The following CHCHD6 variants were observed in gnomAD, a reference collection of about 807,000 sequenced individuals.
CHCHD6 encodes the protein MICOS complex subunit MIC25.
Under a neutral mutation model 32.3 loss-of-function variants are expected in CHCHD6, and 28 were observed. The ratio of observed to expected loss-of-function variants is 0.87; its 90% CI spans 0.64 to 1.19. CHCHD6 has a LOEUF of 1.19. Among genes scored for constraint, CHCHD6 ranks in the 50% most tolerant of loss-of-function variants. CHCHD6 has a pLI of 0.00. For synonymous variants in CHCHD6, 122 were observed against 117.5 expected (o/e 1.04, Z -0.25); for missense variants, 333 against 307.0 (o/e 1.08, Z -0.63).
intron 5 of CHCHD6, among the ~76,000 whole-genome samples, chr3:126,913,071 C>T (rs1183754421): frequency 6.6e-6 from 1 of 152,192 alleles, no homozygotes; most frequent in Non-Finnish European, 1.5e-5. Flanking sequence ...CAAGGCAACG[C>T]AGCTCTAAAG....
At chr3:126,746,397 GT>G (rs955528562) in intron 4 of CHCHD6, among the ~76,000 whole-genome samples, 10 of 152,170 alleles carry the variant, frequency 6.6e-5, no homozygotes, top group Non-Finnish European at 1.2e-4. Context: ...AGCCTCTGGT[GT>G]TTTTTCTGCT....
intron 5 of CHCHD6, among the ~76,000 whole-genome samples, chr3:126,913,252 G>A (rs980057779): frequency 1.5e-4 from 11 of 74,042 alleles, no homozygotes; most frequent in East Asian, 8.8e-4. Flanking sequence ...TTTGGGAGAC[G>A]GAGTTTCACT....
At chr3:126,953,354 C>T (rs751067025) in intron 6 of CHCHD6, among the ~76,000 whole-genome samples, 2 of 152,184 alleles carry the variant, frequency 1.3e-5, no homozygotes, top group African/African-American at 2.4e-5. Flanking sequence ...AACTAGGTCT[C>T]GAATGATATC....
intron 5 of CHCHD6, chr3:126,865,732 G>T (rs1309551697): frequency 6.1e-6 from 6 of 985,030 alleles, no homozygotes; most frequent in Non-Finnish European, 7.2e-6. Context: ...TCTGCATACT[G>T]CTTCTGGTAT....
chr3:126,807,252 C>T (rs894923869), intron 4 of CHCHD6, among the ~76,000 whole-genome samples: 1 of 150,812 alleles, frequency 6.6e-6, no homozygotes, highest in Non-Finnish European at 1.5e-5. Flanking sequence ...CAAACAAACA[C>T]ACAGAGAAAA....
chr3:126,739,162 A>G (rs755729856), intron 4 of CHCHD6, among the ~76,000 whole-genome samples: 1 of 152,234 alleles, frequency 6.6e-6, no homozygotes, highest in Non-Finnish European at 1.5e-5. Context: ...CATAAATGGG[A>G]GAAAAAAATC....
At chr3:126,726,583 A>G (rs896731821) in intron 1 of CHCHD6, among the ~76,000 whole-genome samples, 12 of 152,228 alleles carry the variant, frequency 7.9e-5, no homozygotes, top group African/African-American at 2.7e-4. Context: ...GCAAAGTGGA[A>G]TAAAGAGAAA....
intron 5 of CHCHD6, among the ~76,000 whole-genome samples, chr3:126,902,520 T>G (rs2077943415): frequency 6.6e-6 from 1 of 151,792 alleles, no homozygotes; most frequent in Non-Finnish European, 1.5e-5. Flanking sequence ...ATCGAGACCA[T>G]CCTGGCTAAC....
intron 4 of CHCHD6, among the ~76,000 whole-genome samples, chr3:126,810,931 A>G (rs1273410322): frequency 6.6e-6 from 1 of 152,196 alleles, no homozygotes; most frequent in Non-Finnish European, 1.5e-5. Flanking sequence ...GCCTGCAGGC[A>G]CATGAGATGT....
chr3:126,858,573 A>T (rs968408114), intron 5 of CHCHD6, among the ~76,000 whole-genome samples: 1 of 152,122 alleles, frequency 6.6e-6, no homozygotes, highest in Non-Finnish European at 1.5e-5. Flanking sequence ...ACAGGCCTTA[A>T]ACATCCTCTT....
intron 4 of CHCHD6, among the ~76,000 whole-genome samples, chr3:126,755,710 A>G (rs996046721): frequency 6.6e-6 from 1 of 152,178 alleles, no homozygotes; most frequent in African/African-American, 2.4e-5. Flanking sequence ...CATAAACTCA[A>G]TATATCAAAA....
At chr3:126,740,224 C>G (rs572700707) in intron 4 of CHCHD6, among the ~76,000 whole-genome samples, 1 of 152,222 alleles carries the variant, frequency 6.6e-6, no homozygotes, top group East Asian at 1.9e-4. Flanking sequence ...GATTGAGGGT[C>G]CTTCCTTGTC....
chr3:126,748,219 C>T (rs957257178), intron 4 of CHCHD6, among the ~76,000 whole-genome samples: 1 of 152,192 alleles, frequency 6.6e-6, no homozygotes, highest in African/African-American at 2.4e-5. Flanking sequence ...CTTCCCTTTC[C>T]TTGCCATAGA....
chr3:126,859,923 C>T (rs937252944), intron 5 of CHCHD6, among the ~76,000 whole-genome samples: 1 of 152,196 alleles, frequency 6.6e-6, no homozygotes, highest in African/African-American at 2.4e-5. Flanking sequence ...GGATGCATGT[C>T]CTGCATTGTC....
rs148963842 is a variant in CHCHD6 at position 126,877,554 on chromosome 3, C to CAA, written c.495+24837_495+24838dup. On this transcript the variant is annotated intron_variant, in intron 5 of 7. Coordinates refer to ENST00000290913, the MANE Select transcript of CHCHD6 (RefSeq NM_032343.3). Reference sequence around the variant, plus strand: ...TGGGCGACAGAGTGAGACTCCATCTCAAAAAAAAAAAAAATTAGGTCAACA... The same window carrying CAA: ...TGGGCGACAGAGTGAGACTCCATCTCAAAAAAAAAAAAAAAATTAGGTCAACA... Among the ~76,000 whole-genome samples the CAA allele has an allele frequency of 8.9e-3, 1,158 of 129,970 alleles. 7 individuals carry two copies. The highest frequency in any genetic ancestry group is 0.013 in the Non-Finnish European group (816 of 61,726). 85.3% of individuals were successfully genotyped at this position (129,970 alleles called of 152,430 possible). A position where few individuals can be genotyped will look rare whatever the true frequency, so the allele number is the denominator to read the frequency against.
intron 4 of CHCHD6, among the ~76,000 whole-genome samples, chr3:126,845,509 T>G (rs1442558227): frequency 6.6e-6 from 1 of 152,206 alleles, no homozygotes; most frequent in Non-Finnish European, 1.5e-5. Context: ...GTCAATCAAC[T>G]CCAGAGAATT....
chr3:126,779,535 C>CAAAAAAAACAAAAAAAAAAAAA (rs1937823247), intron 4 of CHCHD6, among the ~76,000 whole-genome samples: 1 of 78,098 alleles, frequency 1.3e-5, no homozygotes. Flanking sequence ...GACTCCATCT[C>CAAAAAAAACAAAAAAAAAAAAA]AAAAAAAAAA....
intron 5 of CHCHD6, among the ~76,000 whole-genome samples, chr3:126,858,786 C>A (rs1476902544): frequency 6.6e-6 from 1 of 152,196 alleles, no homozygotes; most frequent in Non-Finnish European, 1.5e-5. Context: ...CTCTTCTGAC[C>A]AGGTTGCTCC....
chr3:126,930,899 ACT>A (rs2078394338), intron 6 of CHCHD6, among the ~76,000 whole-genome samples: 1 of 151,998 alleles, frequency 6.6e-6, no homozygotes, highest in Non-Finnish European at 1.5e-5. Context: ...TTAGAAAAGA[ACT>A]CTCTCTGATG....
Sources: allele counts gnomAD v4.1 joint callset (sites outside exome capture counted in the v4.1 genomes callset), GRCh38; gene constraint gnomAD v4.1.1; transcripts MANE v1.5; gene names NCBI Gene and HGNC (gene_info 2026-07-23, HGNC 2026-07-21).